The following FSTL5 variants were observed in gnomAD, a reference collection of about 807,000 sequenced individuals.
The protein encoded by FSTL5 is follistatin-related protein 5.
FSTL5 carries 62 observed loss-of-function variants against 89.1 expected under a neutral mutation model. The observed-to-expected ratio is 0.70, with a 90% CI of 0.57 to 0.86. The LOEUF (loss-of-function observed/expected upper bound fraction) is 0.86. Among genes scored for constraint, FSTL5 ranks in the 40% least tolerant of loss-of-function variants. The pLI is 0.00. For missense variants in FSTL5, 1,057 were observed against 1,001.6 expected, an observed-to-expected ratio of 1.06 and a Z score of -0.75; for synonymous variants, 383 against 346.2, an observed-to-expected ratio of 1.11 and a Z score of -1.18.
At chr4:161,707,408 T>A (rs1183218683) in intron 6 of FSTL5, among the ~76,000 whole-genome samples, 1 of 151,886 alleles carries the variant, frequency 6.6e-6, no homozygotes, top group Non-Finnish European at 1.5e-5. Flanking sequence ...TATTAGAAAA[T>A]AAATATGCTG....
At chr4:161,594,720 T>A (rs1241048388) in intron 7 of FSTL5, among the ~76,000 whole-genome samples, 1 of 152,026 alleles carries the variant, frequency 6.6e-6, no homozygotes, top group East Asian at 1.9e-4. Flanking sequence ...GCTTTTTGAA[T>A]GAGCTAGACT....
intron 15 of FSTL5, among the ~76,000 whole-genome samples, chr4:161,447,849 T>C (rs1732999330): frequency 1.3e-5 from 2 of 152,150 alleles, no homozygotes; most frequent in African/African-American, 2.4e-5. Context: ...TTTGCACATA[T>C]ATACACACAG....
chr4:161,672,799 C>A (rs974252926), intron 6 of FSTL5, among the ~76,000 whole-genome samples: 5 of 148,472 alleles, frequency 3.4e-5, no homozygotes, highest in South Asian at 2.3e-4. Flanking sequence ...ATTTCTTAAG[C>A]CTACAATTGT....
In FSTL5 at chr4:162,119,207, A is replaced by G. The variant is rs188042703; in HGVS notation, c.-16-7795T>C. On this transcript the variant is annotated intron_variant, in intron 1 of 15. Transcript: ENST00000306100. ...ATACCATTGCACTGCAGCCTGGGCA[A>G]CAGAGTGAGATCCTATCTCTCTTAA... Among the ~76,000 whole-genome samples the G allele has an allele frequency of 9.9e-5, 15 of 151,480 alleles. No individual in the cohort carries two copies. The East Asian group carries it at 1.8e-3, about 18-fold the overall frequency.
intron 9 of FSTL5, among the ~76,000 whole-genome samples, chr4:161,539,727 G>GCAAAAA (rs1362391309): frequency 6.6e-6 from 1 of 151,522 alleles, no homozygotes; most frequent in East Asian, 1.9e-4. Flanking sequence ...AAAAAAGAAA[G>GCAAAAA]CAAAAACAAA....
intron 3 of FSTL5, among the ~76,000 whole-genome samples, chr4:161,983,817 T>A (rs1215149254): frequency 6.6e-6 from 1 of 152,192 alleles, no homozygotes; most frequent in East Asian, 1.9e-4. Context: ...CACATTAAAT[T>A]AAACTCACAT....
chr4:161,638,524 A>G lies in FSTL5; in HGVS notation c.894+17804T>C, dbSNP rs184352129. On this transcript the variant is annotated intron_variant, in intron 7 of 15. Coordinates refer to ENST00000306100, the MANE Select transcript of FSTL5 (RefSeq NM_020116.5). ...ACAATCAATAGTTTACCAACCAAAA[A>G]GAGTCCAGGACCAGATGGATTCACA... 1.8e-3 allele frequency among the ~76,000 whole-genome samples: 273 copies of G among 152,140 alleles called. 1 individual carries two copies. The highest frequency in any genetic ancestry group is 6.3e-3 in the African/African-American group (261 of 41,490).
intron 3 of FSTL5, among the ~76,000 whole-genome samples, chr4:161,953,221 C>T (rs140755113): frequency 1.3e-5 from 2 of 151,626 alleles, no homozygotes; most frequent in Non-Finnish European, 3.0e-5. Context: ...ATATACTATA[C>T]AAGTCTGTGA....
intron 6 of FSTL5, among the ~76,000 whole-genome samples, chr4:161,690,800 C>T (rs1296377988): frequency 2.6e-5 from 4 of 152,076 alleles, no homozygotes; most frequent in African/African-American, 9.7e-5. Flanking sequence ...CATCTCCCTC[C>T]TCTCACCCTC....
At chr4:161,944,219 G>A (rs1209252972) in intron 3 of FSTL5, among the ~76,000 whole-genome samples, 2 of 151,998 alleles carry the variant, frequency 1.3e-5, no homozygotes, top group African/African-American at 4.8e-5. Context: ...CTACTATTTT[G>A]CAAGAAGATT....
Position 161,605,417 on chromosome 4 carries a change from CAT to C in FSTL5, c.895-17844_895-17843del, listed in dbSNP as rs1334268266. Among the ~76,000 whole-genome samples the C allele has an allele frequency of 4.6e-5, 7 of 151,926 alleles. No homozygotes were observed. In the South Asian group the frequency reaches 8.3e-4, roughly 18 times the overall value. ...CCTAAAGATATGTATATCTTAAATA[CAT>C]GTTTGTTAAAAAAAATTGAAGAGTA... On this transcript the variant is annotated intron_variant, in intron 7 of 15. Transcript: ENST00000306100.
At chr4:161,912,807 A>T (rs1733733596) in intron 4 of FSTL5, among the ~76,000 whole-genome samples, 1 of 152,186 alleles carries the variant, frequency 6.6e-6, no homozygotes, top group African/African-American at 2.4e-5. Flanking sequence ...GGAAACTCCT[A>T]GCGACTTCTT....
chr4:161,688,236 C>G (rs575762003), intron 6 of FSTL5, among the ~76,000 whole-genome samples: 1 of 152,120 alleles, frequency 6.6e-6, no homozygotes, highest in African/African-American at 2.4e-5. Context: ...GTGAGCGCCT[C>G]CACACCCAGC....
At chr4:162,115,743 T>G (rs1731612368) in intron 1 of FSTL5, among the ~76,000 whole-genome samples, 1 of 152,218 alleles carries the variant, frequency 6.6e-6, no homozygotes, top group Non-Finnish European at 1.5e-5. Flanking sequence ...GGCAGAGATC[T>G]CTCTTCTTCA....
chr4:161,553,488 T>C (rs936396112), intron 8 of FSTL5, among the ~76,000 whole-genome samples: 7 of 151,440 alleles, frequency 4.6e-5, no homozygotes, highest in Non-Finnish European at 7.4e-5. Context: ...GAGCAACTCC[T>C]GAGCATAATA....
intron 4 of FSTL5, among the ~76,000 whole-genome samples, chr4:161,852,969 C>T (rs1007089642): frequency 3.3e-5 from 5 of 152,212 alleles, no homozygotes; most frequent in African/African-American, 1.2e-4. Context: ...ACCTGCACAT[C>T]CTGTGCATGT....
chr4:161,659,796 A>G (rs1736644701), intron 6 of FSTL5, among the ~76,000 whole-genome samples: 1 of 152,206 alleles, frequency 6.6e-6, no homozygotes, highest in African/African-American at 2.4e-5. Flanking sequence ...TTTATTAACT[A>G]TGGTTAATCC....
chr4:161,722,876 C>G (rs772462212), intron 6 of FSTL5, among the ~76,000 whole-genome samples: 2 of 152,020 alleles, frequency 1.3e-5, no homozygotes, highest in Non-Finnish European at 2.9e-5. Flanking sequence ...GACTTCTGGG[C>G]CTTGAATAAC....
chr4:161,766,084 G>A (rs115409363), intron 5 of FSTL5, among the ~76,000 whole-genome samples: 2,651 of 152,178 alleles, frequency 0.017, 69 homozygotes, highest in African/African-American at 0.059. Context: ...GTGAGCCACC[G>A]CGCCAGCTCC....
Sources: allele counts gnomAD v4.1 joint callset (sites outside exome capture counted in the v4.1 genomes callset), GRCh38; gene constraint gnomAD v4.1.1; transcripts MANE v1.5; gene names NCBI Gene and HGNC (gene_info 2026-07-23, HGNC 2026-07-21).